Variants in PDE4B observed in about 807,000 individuals in gnomAD.
The protein encoded by PDE4B is 3',5'-cyclic-AMP phosphodiesterase 4B.
In PDE4B, 20 loss-of-function variants were observed where a neutral mutation model predicts 82.2. The ratio of observed to expected loss-of-function variants is 0.24; its 90% confidence interval spans 0.17 to 0.35. The LOEUF (loss-of-function observed/expected upper bound fraction) is 0.35, where lower values mean the gene tolerates loss of function less well. Among genes scored for constraint, PDE4B ranks in the 10% least tolerant of loss-of-function variants. PDE4B has a pLI of 1.00. For synonymous variants in PDE4B, 320 were observed against 318.9 expected (o/e 1.00, Z -0.04); for missense variants, 655 against 907.2 (o/e 0.72, Z 3.57).
At chr1:65,899,738 G>A (rs1026323248) in intron 1 of PDE4B, among the ~76,000 whole-genome samples, 2 of 150,904 alleles carry the variant, frequency 1.3e-5, no homozygotes, top group Admixed American at 1.3e-4. Flanking sequence ...GCAGTGACCT[G>A]GACGACATTG....
chr1:66,225,735 T>G (rs1277599216), intron 3 of PDE4B, among the ~76,000 whole-genome samples: 1 of 152,268 alleles, frequency 6.6e-6, no homozygotes, highest in African/African-American at 2.4e-5. Context: ...GTGTTTAACT[T>G]TGTAAATTAT....
chr1:65,875,666 T>C (rs1238547148), intron 1 of PDE4B, among the ~76,000 whole-genome samples: 4 of 149,576 alleles, frequency 2.7e-5, no homozygotes, highest in Non-Finnish European at 5.9e-5. Context: ...CTGGATGAAA[T>C]TGGAAATCAT....
chr1:66,368,060 A>G lies in PDE4B; in HGVS notation c.1657A>G (p.Ile553Val). 1 of 1,613,060 alleles carries G rather than the reference A, an allele frequency of 6.2e-7. No individual in the cohort carries two copies. Among genetic ancestry groups the G allele is most frequent in the African/African-American group, 1.3e-5 (1 of 74,998 alleles). ...TCTCCTAGACAACTATACCGATCGCATTCAGGTATTTGAGGAAAGTCTTTG... is the reference window on the plus strand; with the variant it reads ...TCTCCTAGACAACTATACCGATCGCGTTCAGGTATTTGAGGAAAGTCTTTG... ...VLLLDNYTDR[I>V]QVLRNMVHCA... Residue 553 changes from isoleucine to valine, a missense_variant, in exon 15 of 17, where the codon ATT becomes GTT. By Grantham distance (29) the Ile-to-Val change is conservative. Around this residue, in one of 3 missense-constraint regions of PDE4B, gnomAD observed 283 missense variants for 516.4 expected, o/e 0.55. Transcript: ENST00000341517.
chr1:65,872,364 T>A (rs1316906), intron 1 of PDE4B, among the ~76,000 whole-genome samples: 27,440 of 152,032 alleles, frequency 0.18, 2,921 homozygotes, highest in South Asian at 0.38. Context: ...TGGCCTCAAA[T>A]AATTTACAGT....
At chr1:65,856,203 ATTTTAC>A (rs748129769) in intron 1 of PDE4B, among the ~76,000 whole-genome samples, 24 of 152,054 alleles carry the variant, frequency 1.6e-4, no homozygotes, top group Non-Finnish European at 3.1e-4. Flanking sequence ...TTTTTAAATT[ATTTTAC>A]TTTAAGTTCT....
chr1:66,186,228 G>C (rs1647207028), intron 3 of PDE4B, among the ~76,000 whole-genome samples: 1 of 152,096 alleles, frequency 6.6e-6, no homozygotes, highest in African/African-American at 2.4e-5. Context: ...TGCTGTTTTG[G>C]TTACTGTAGC....
intron 3 of PDE4B, among the ~76,000 whole-genome samples, chr1:66,190,275 G>C (rs1647651854): frequency 1.3e-5 from 2 of 152,196 alleles, no homozygotes; most frequent in South Asian, 2.1e-4. Flanking sequence ...AGGCTACTCG[G>C]GGGTCAAGGA....
At chr1:66,027,418 T>A (rs1653507968) in intron 3 of PDE4B, among the ~76,000 whole-genome samples, 1 of 152,152 alleles carries the variant, frequency 6.6e-6, no homozygotes, top group Admixed American at 6.5e-5. Context: ...GGACATACAA[T>A]TCAAATTGAG....
intron 3 of PDE4B, among the ~76,000 whole-genome samples, chr1:66,189,255 T>C (rs1029684043): frequency 1.3e-5 from 2 of 152,212 alleles, no homozygotes; most frequent in Non-Finnish European, 2.9e-5. Context: ...TCTCTCTGGC[T>C]GCCCTTAACA....
At chr1:66,190,276 G>A (rs540911750) in intron 3 of PDE4B, among the ~76,000 whole-genome samples, 1 of 152,182 alleles carries the variant, frequency 6.6e-6, no homozygotes, top group Admixed American at 6.5e-5. Flanking sequence ...GGCTACTCGG[G>A]GGTCAAGGAC....
intron 1 of PDE4B, among the ~76,000 whole-genome samples, chr1:65,844,188 G>A (rs937140920): frequency 8.5e-5 from 13 of 152,150 alleles, no homozygotes; most frequent in African/African-American, 3.1e-4. Flanking sequence ...GGCCTTGGGG[G>A]CCAGATGGCA....
chr1:66,064,997 A>C (rs2100908046), intron 3 of PDE4B, among the ~76,000 whole-genome samples: 1 of 152,018 alleles, frequency 6.6e-6, no homozygotes, highest in Admixed American at 6.6e-5. Flanking sequence ...ATAAATACAA[A>C]ATTAATGTTT....
At chr1:65,990,390 A>T (rs185619089) in intron 3 of PDE4B, among the ~76,000 whole-genome samples, 1 of 152,320 alleles carries the variant, frequency 6.6e-6, no homozygotes, top group East Asian at 1.9e-4. Context: ...AAAAGTAAAT[A>T]TGAGAAGTAT....
intron 7 of PDE4B, among the ~76,000 whole-genome samples, chr1:66,277,694 T>A (rs1655989938): frequency 6.6e-6 from 1 of 152,206 alleles, no homozygotes; most frequent in African/African-American, 2.4e-5. Flanking sequence ...ACGCCCGGCC[T>A]TATATGCATT....
At chr1:65,861,992 A>C (rs527613842) in intron 1 of PDE4B, among the ~76,000 whole-genome samples, 9 of 152,292 alleles carry the variant, frequency 5.9e-5, no homozygotes, top group African/African-American at 2.2e-4. Flanking sequence ...TGTCATCTGC[A>C]AACAGAGACT....
intron 3 of PDE4B, among the ~76,000 whole-genome samples, chr1:66,097,764 T>C (rs1368625226): frequency 3.9e-5 from 6 of 151,944 alleles, no homozygotes; most frequent in African/African-American, 1.4e-4. Flanking sequence ...TTATTTTTAG[T>C]CTTTTAATTT....
chr1:66,194,325 C>T (rs1445627444), intron 3 of PDE4B, among the ~76,000 whole-genome samples: 18 of 152,024 alleles, frequency 1.2e-4, no homozygotes, highest in South Asian at 2.1e-4. Context: ...CTATTATACT[C>T]GATGAATTGC....
At chr1:65,881,664 T>G (rs1490721124) in intron 1 of PDE4B, among the ~76,000 whole-genome samples, 1 of 152,220 alleles carries the variant, frequency 6.6e-6, no homozygotes, top group Non-Finnish European at 1.5e-5. Flanking sequence ...TTTGCTTTTG[T>G]GCCTTCTCAG....
chr1:65,875,190 A>G (rs1166032625), intron 1 of PDE4B, among the ~76,000 whole-genome samples: 3 of 152,112 alleles, frequency 2.0e-5, no homozygotes, highest in South Asian at 2.1e-4. Context: ...GCCAAAAAAC[A>G]CATGAAAAAA....
Sources: allele counts gnomAD v4.1 joint callset (sites outside exome capture counted in the v4.1 genomes callset), GRCh38; gene constraint gnomAD v4.1.1; regional missense constraint gnomAD v4.1.1; transcripts MANE v1.5; gene names NCBI Gene and HGNC (gene_info 2026-07-23, HGNC 2026-07-21).